Variants in NELL1 observed in about 807,000 individuals in gnomAD.
NELL1 encodes neural EGFL like 1.
NELL1 carries 76 observed loss-of-function variants against 107.4 expected under a neutral mutation model. The ratio of observed to expected loss-of-function variants is 0.71; its 90% CI spans 0.59 to 0.86. NELL1 has a LOEUF of 0.86. Ranked by LOEUF, NELL1 falls within the 40% of genes least tolerant of loss-of-function variation. The pLI is 0.00. For synonymous variants in NELL1, 353 were observed against 341.2 expected (o/e 1.03, Z -0.38); for missense variants, 1,024 against 1,005.5 (o/e 1.02, Z -0.25).
chr11:21,498,360 T>TATAC (rs1554923987), intron 15 of NELL1, among the ~76,000 whole-genome samples: 1 of 147,760 alleles, frequency 6.8e-6, no homozygotes, highest in African/African-American at 2.5e-5. Context: ...TATATATATA[T>TATAC]ATACAGACAC....
At position 20,694,405 on chromosome 11, in the gene NELL1, T is replaced by C. The variant is rs1236705035; in HGVS notation, c.184+16345T>C. 9.9e-5 allele frequency among the ~76,000 whole-genome samples: 15 copies of C among 152,210 alleles called. No homozygotes were observed. In the South Asian group the frequency reaches 2.7e-3, roughly 27 times the overall value. On this transcript the variant is annotated intron_variant, in intron 2 of 19. Coordinates refer to ENST00000357134, the MANE Select transcript of NELL1 (RefSeq NM_006157.5). The stretch of plus-strand genomic sequence containing the variant: ...AGGATTTTTATAGTTTGAGGTCTTA[T>C]ATTTAAATCTTTAATCCATCTTGAG...
intron 13 of NELL1, among the ~76,000 whole-genome samples, chr11:21,167,441 C>T (rs1294997761): frequency 6.6e-6 from 1 of 151,748 alleles, no homozygotes; most frequent in Non-Finnish European, 1.5e-5. Flanking sequence ...GCAGTTAAGG[C>T]TCACTCTGAT....
intron 14 of NELL1, among the ~76,000 whole-genome samples, chr11:21,238,071 G>A (rs1266998589): frequency 1.3e-5 from 2 of 151,962 alleles, no homozygotes; most frequent in East Asian, 3.9e-4. Flanking sequence ...AACCAAACAG[G>A]ATCCTTGATT....
chr11:21,180,851 T>C (rs1590710265), intron 13 of NELL1, among the ~76,000 whole-genome samples: 1 of 150,384 alleles, frequency 6.6e-6, no homozygotes, highest in Admixed American at 6.6e-5. Flanking sequence ...TCTCCATGGA[T>C]TTCCTTAATA....
intron 13 of NELL1, among the ~76,000 whole-genome samples, chr11:21,134,206 G>T (rs1424652412): frequency 2.0e-5 from 3 of 152,218 alleles, no homozygotes; most frequent in African/African-American, 7.2e-5. Context: ...ATTCTAAGTG[G>T]TGTGAATGAC....
chr11:20,689,655 T>C (rs1590206677), intron 2 of NELL1, among the ~76,000 whole-genome samples: 2 of 148,630 alleles, frequency 1.3e-5, no homozygotes, highest in East Asian at 3.9e-4. Context: ...ATGGTGTATA[T>C]GTGCCACATT....
At chr11:20,936,750 A>C (rs1391436922) in intron 9 of NELL1, among the ~76,000 whole-genome samples, 2 of 152,250 alleles carry the variant, frequency 1.3e-5, no homozygotes, top group East Asian at 1.9e-4. Flanking sequence ...TAACACTAGA[A>C]TATTATTTGA....
At chr11:21,112,009 GT>G (rs1379089741) in intron 12 of NELL1, among the ~76,000 whole-genome samples, 2 of 151,812 alleles carry the variant, frequency 1.3e-5, no homozygotes, top group Non-Finnish European at 2.9e-5. Flanking sequence ...CCTTCTTTTA[GT>G]TTTCCATCTC....
intron 3 of NELL1, among the ~76,000 whole-genome samples, chr11:20,833,048 G>A (rs1858046584): frequency 6.6e-6 from 1 of 152,168 alleles, no homozygotes; most frequent in Non-Finnish European, 1.5e-5. Flanking sequence ...TCAGTTATGG[G>A]ACAGAGTGGT....
chr11:20,934,614 G>C (rs570712961), intron 9 of NELL1, among the ~76,000 whole-genome samples: 1 of 152,168 alleles, frequency 6.6e-6, no homozygotes, highest in African/African-American at 2.4e-5. Context: ...GGCAAAGGAA[G>C]AAAAAATGTC....
At chr11:20,855,914 A>G (rs1158457873) in intron 4 of NELL1, among the ~76,000 whole-genome samples, 1 of 152,270 alleles carries the variant, frequency 6.6e-6, no homozygotes, top group African/African-American at 2.4e-5. Flanking sequence ...CAAACAGTGC[A>G]TTAGTTTTCC....
In NELL1 at chr11:21,128,585, G is replaced by T. The variant is rs1855542680; in HGVS notation, c.1426+14871G>T. Among the ~76,000 whole-genome samples the T allele has an allele frequency of 3.3e-5, 5 of 152,130 alleles. No individual in the cohort carries two copies. The South Asian group carries it at 1.0e-3, about 32-fold the overall frequency. On this transcript the variant is annotated intron_variant, in intron 13 of 19. Transcript: ENST00000357134. ...AAATCTTTAGTATTTTTTCTCATTAGGAGAGCTATGTCACCCTCAAGCAGA... is the reference window on the plus strand; with the variant it reads ...AAATCTTTAGTATTTTTTCTCATTATGAGAGCTATGTCACCCTCAAGCAGA...
intron 15 of NELL1, among the ~76,000 whole-genome samples, chr11:21,488,550 C>G (rs1854706308): frequency 6.6e-6 from 1 of 152,008 alleles, no homozygotes; most frequent in Admixed American, 6.6e-5. Context: ...ACTAGGATAC[C>G]AGGTGGGCCA....
rs1201466085 is a variant in NELL1, at chr11:21,342,914, T to C, written c.1550-27939T>C. 2.0e-5 allele frequency among the ~76,000 whole-genome samples: 3 copies of C among 152,258 alleles called. No individual in the cohort carries two copies. The East Asian group carries it at 5.8e-4, about 30-fold the overall frequency. ...CAGAAATGTTGACTGTGTTTTTGGT[T>C]AGCATCATTTATAAGGAAATTCCTC... On this transcript the variant is annotated intron_variant, in intron 14 of 19. Transcript: ENST00000357134.
intron 12 of NELL1, among the ~76,000 whole-genome samples, chr11:21,053,898 T>C (rs949297384): frequency 7.2e-5 from 11 of 152,204 alleles, no homozygotes; most frequent in African/African-American, 2.4e-4. Context: ...AAAATCAATT[T>C]CTGCTTATAT....
rs192799315 is a variant in NELL1 at position 20,829,594 on chromosome 11, A to G, written c.336-17989A>G. 5.9e-5 allele frequency among the ~76,000 whole-genome samples: 9 copies of G among 152,106 alleles called. No homozygotes were observed. The East Asian group carries it at 1.2e-3, about 20-fold the overall frequency. On this transcript the variant is annotated intron_variant, in intron 3 of 19. Coordinates refer to ENST00000357134, the MANE Select transcript of NELL1 (RefSeq NM_006157.5). Reference sequence around the variant, plus strand: ...TGCCAGGTTTTTTTTTAATGAATATAGGATTTTTTCTGTTTCAGGATCTTG... The same window carrying G: ...TGCCAGGTTTTTTTTTAATGAATATGGGATTTTTTCTGTTTCAGGATCTTG...
rs142597166 is a variant in NELL1 at position 20,710,817 on chromosome 11, G to A, written c.184+32757G>A. On this transcript the variant is annotated intron_variant, in intron 2 of 19. Coordinates refer to ENST00000357134, the MANE Select transcript of NELL1 (RefSeq NM_006157.5). ...GATTTTCTAGTTTGTGTGAGCAAAG[G>A]TGTTCACAGTAGCCTTGAATGATCT... 9.2e-3 allele frequency among the ~76,000 whole-genome samples: 1,406 copies of A among 152,036 alleles called. 22 individuals are homozygous for A. The highest frequency in any genetic ancestry group is 0.035 in the Admixed American group (541 of 15,256).
At chr11:20,947,534 A>C in intron 11 of NELL1, 99 bp downstream of exon 11, 1 of 852,140 alleles carries the variant, frequency 1.2e-6, no homozygotes, top group Non-Finnish European at 2.0e-6. Context: ...ACATGGGTCC[A>C]AAACTCTGTG....
At chr11:21,381,658 A>G (rs1851610177) in intron 15 of NELL1, among the ~76,000 whole-genome samples, 1 of 151,948 alleles carries the variant, frequency 6.6e-6, no homozygotes, top group African/African-American at 2.4e-5. Flanking sequence ...ATCTTTTGCT[A>G]CTGAAGTCTC....
Sources: gnomAD v4.1 joint callset for allele counts (sites outside exome capture counted in the v4.1 genomes callset) on GRCh38, gnomAD v4.1.1 for gene constraint, MANE v1.5 for transcripts, NCBI Gene and HGNC (gene_info 2026-07-23, HGNC 2026-07-21) for gene names.